The following RIC1 variants were observed in gnomAD, a reference collection of about 807,000 sequenced individuals.
RIC1 encodes RIC1 partner of RAB6A GEF complex, also known as guanine nucleotide exchange factor subunit RIC1.
Under a neutral mutation model 169.0 loss-of-function variants are expected in RIC1, and 88 were observed. The ratio of observed to expected loss-of-function variants is 0.52; its 90% CI spans 0.44 to 0.62. RIC1 has a LOEUF of 0.62. RIC1 is among the 20% of genes least tolerant of loss of function. The pLI is 0.00. For synonymous variants in RIC1, 790 were observed against 601.5 expected, an observed-to-expected ratio of 1.31 and a Z score of -4.59; for missense variants, 1,877 against 1,725.5, an observed-to-expected ratio of 1.09 and a Z score of -1.56.
chr9:5,715,261 G>C (rs1025183138), intron 4 of RIC1, among the ~76,000 whole-genome samples: 4 of 152,274 alleles, frequency 2.6e-5, no homozygotes, highest in East Asian at 1.9e-4. Context: ...ACCAAGAAAA[G>C]GTGGAATTGT....
chr9:5,631,037 A>G (rs1817690468), intron 1 of RIC1, among the ~76,000 whole-genome samples: 1 of 152,246 alleles, frequency 6.6e-6, no homozygotes, highest in South Asian at 2.1e-4. Flanking sequence ...TTAATTTTAA[A>G]TAAAAGTAAA....
At chr9:5,709,208 A>C (rs1447429693) in intron 3 of RIC1, among the ~76,000 whole-genome samples, 1 of 152,178 alleles carries the variant, frequency 6.6e-6, no homozygotes, top group East Asian at 1.9e-4. Flanking sequence ...ACCTAATTTT[A>C]AGAAGGCAGG....
intron 1 of RIC1, among the ~76,000 whole-genome samples, chr9:5,653,201 T>C (rs148943197): frequency 1.7e-3 from 254 of 152,284 alleles, no homozygotes; most frequent in Non-Finnish European, 3.0e-3. Context: ...TTCTCTGTTG[T>C]ACTTCCTTTC....
intron 1 of RIC1, among the ~76,000 whole-genome samples, chr9:5,634,772 C>G (rs537101520): frequency 6.6e-6 from 1 of 152,090 alleles, no homozygotes; most frequent in African/African-American, 2.4e-5. Flanking sequence ...CCATGTCATC[C>G]AAAATACCAT....
At position 5,720,716 on chromosome 9, in the gene RIC1, T is replaced by G. The variant is rs1168464678; in HGVS notation, c.686T>G (p.Phe229Cys). The change falls in exon 6 of 26, where the codon TTT becomes TGT. Residue 229 changes from phenylalanine (F) to cysteine (C), a missense_variant. Phe to Cys is a radical substitution (Grantham distance 205). Coordinates refer to ENST00000414202, the MANE Select transcript of RIC1 (RefSeq NM_020829.4). Reference protein sequence around the residue: ...AVVFNDGKVGFITPVSSRFTA... With the variant: ...AVVFNDGKVGCITPVSSRFTA... ...GTATTTAATGATGGTAAAGTTGGATTTATTACACCAGTGTCAAGTAGATTT... is the reference window on the plus strand; with the variant it reads ...GTATTTAATGATGGTAAAGTTGGATGTATTACACCAGTGTCAAGTAGATTT... The G allele has an allele frequency of 6.2e-7, 1 of 1,611,822 alleles. No individual in the cohort carries two copies. The highest frequency in any genetic ancestry group is 1.1e-5 in the South Asian group (1 of 90,576).
chr9:5,662,467 G>GTTT (rs142644125), intron 2 of RIC1, among the ~76,000 whole-genome samples: 1 of 145,498 alleles, frequency 6.9e-6, no homozygotes, highest in Non-Finnish European at 1.5e-5. Context: ...TCCTGGGCTG[G>GTTT]TTTTTTTTTT....
At chr9:5,654,030 T>TA (rs1227486879) in intron 1 of RIC1, among the ~76,000 whole-genome samples, 5 of 152,170 alleles carry the variant, frequency 3.3e-5, no homozygotes, top group African/African-American at 9.7e-5. Flanking sequence ...GACAGCATCT[T>TA]ACTCTATCAC....
At chr9:5,632,331 ATC>A (rs946503983) in intron 1 of RIC1, among the ~76,000 whole-genome samples, 1 of 152,204 alleles carries the variant, frequency 6.6e-6, no homozygotes, top group African/African-American at 2.4e-5. Context: ...ATAAGACTGA[ATC>A]TCTATTAAAA....
chr9:5,776,883 T>C (rs533116605), downstream of RIC1, among the ~76,000 whole-genome samples: 129 of 152,250 alleles, frequency 8.5e-4, no homozygotes, highest in African/African-American at 3.1e-3. Context: ...CTAGGCGTCA[T>C]TTCTAATAAG....
chr9:5,680,717 C>A (rs1028310859), intron 2 of RIC1, among the ~76,000 whole-genome samples: 2 of 150,812 alleles, frequency 1.3e-5, no homozygotes, highest in African/African-American at 2.4e-5. Flanking sequence ...TTTTTTATTG[C>A]GTCTGTTTGA....
intron 2 of RIC1, among the ~76,000 whole-genome samples, chr9:5,670,409 T>C (rs1212619803): frequency 2.6e-5 from 4 of 152,204 alleles, no homozygotes; most frequent in Non-Finnish European, 5.9e-5. Context: ...TTTTAATCAG[T>C]CTAGGCCTTA....
intron 8 of RIC1, among the ~76,000 whole-genome samples, chr9:5,740,584 G>A (rs564294976): frequency 6.6e-6 from 1 of 151,546 alleles, no homozygotes; most frequent in African/African-American, 2.4e-5. Context: ...TTCCAAAACT[G>A]AAGAACTTGG....
chr9:5,651,503 T>A lies in RIC1; in HGVS notation c.145-5080T>A, dbSNP rs756879910. ...GACCAATATAATGAATCATTTCCTT[T>A]ATGTTTTTCTTCCAGTAGTTTCATA... On this transcript the variant is annotated intron_variant, in intron 1 of 25. Coordinates refer to ENST00000414202, the MANE Select transcript of RIC1 (RefSeq NM_020829.4). Among the ~76,000 whole-genome samples, 7 of 152,188 alleles carry A rather than the reference T, an allele frequency of 4.6e-5. No individual in the cohort carries two copies. The South Asian group carries it at 1.2e-3, about 27-fold the overall frequency.
intron 22 of RIC1, 187 bp downstream of exon 22, chr9:5,769,443 C>G: frequency 6.6e-7 from 1 of 1,503,954 alleles, no homozygotes; most frequent in Non-Finnish European, 8.8e-7. Flanking sequence ...AAAGTAGAAC[C>G]TATGTCTCTA....
At chr9:5,773,126 G>A (rs1032858029) in intron 25 of RIC1, 46 bp downstream of exon 25, 4 of 1,311,494 alleles carry the variant, frequency 3.0e-6, no homozygotes, top group Middle Eastern at 2.1e-4. Context: ...ATGTCTTTTG[G>A]TGAATCCTGT....
chr9:5,756,331 C>T lies in RIC1; in HGVS notation c.1812C>T (p.Asp604=). The change falls in exon 16 of 26, where the codon GAC becomes GAT. Residue 604 remains aspartate (D), a synonymous_variant. Coordinates refer to ENST00000414202, the MANE Select transcript of RIC1 (RefSeq NM_020829.4). ...FQDMVIVFRA[D]CSICLYSIER... The stretch of plus-strand genomic sequence containing the variant: ...ACATGGTAATAGTATTTAGAGCAGA[C>T]TGTTCAATATGCCTTTACAGTATTG... 2 of 1,574,460 alleles carry T rather than the reference C, an allele frequency of 1.3e-6. No homozygotes were observed. The highest frequency in any genetic ancestry group is 1.7e-6 in the Non-Finnish European group (2 of 1,156,442).
intron 2 of RIC1, among the ~76,000 whole-genome samples, chr9:5,661,075 C>G (rs1819423179): frequency 6.6e-6 from 1 of 152,258 alleles, no homozygotes; most frequent in African/African-American, 2.4e-5. Context: ...ACTCCCAGCA[C>G]CATATATTAC....
chr9:5,645,763 A>G (rs1450030992), intron 1 of RIC1, among the ~76,000 whole-genome samples: 1 of 152,188 alleles, frequency 6.6e-6, no homozygotes, highest in African/African-American at 2.4e-5. Context: ...ACTCCATTGT[A>G]TATGTACATA....
At chr9:5,761,870 A>C (rs758931650) in intron 17 of RIC1, among the ~76,000 whole-genome samples, 2 of 152,248 alleles carry the variant, frequency 1.3e-5, no homozygotes, top group Non-Finnish European at 2.9e-5. Context: ...GAAATTTTTC[A>C]TTATAAAAAG....
Sources: gnomAD v4.1 joint callset for allele counts (sites outside exome capture counted in the v4.1 genomes callset) on GRCh38, gnomAD v4.1.1 for gene constraint, MANE v1.5 for transcripts, NCBI Gene and HGNC (gene_info 2026-07-23, HGNC 2026-07-21) for gene names.